The following TBC1D31 variants were observed in gnomAD, a reference collection of about 807,000 sequenced individuals.
TBC1D31 encodes WD repeat domain 67.
A neutral mutation model predicts 132.9 loss-of-function variants in TBC1D31; 99 were observed. That is an observed-to-expected ratio of 0.74 (90% CI 0.63 to 0.88). The LOEUF (loss-of-function observed/expected upper bound fraction) is 0.88. Ranked by LOEUF, TBC1D31 falls within the 40% of genes least tolerant of loss-of-function variation. The pLI, the probability that TBC1D31 is intolerant of heterozygous loss-of-function variation, is 0.00. For missense variants in TBC1D31, 1,134 were observed against 1,256.6 expected (o/e 0.90, Z 1.48); for synonymous variants, 385 against 419.4 (o/e 0.92, Z 1.00).
rs569637095 is a variant in TBC1D31, at chr8:123,082,980, A to G, written c.340+163A>G. ...GGTCCTAGAAACAGCCTCACTTTAG[A>G]TCAGTTGACTACAAAGTCAGGGTTT... On this transcript the variant is annotated intron_variant, in intron 3 of 21. Transcript: ENST00000287380. 330 of 576,660 alleles carry G rather than the reference A, an allele frequency of 5.7e-4. 2 individuals are homozygous for G. The highest frequency in any genetic ancestry group is 2.1e-4 in the Non-Finnish European group (70 of 326,160). 35.7% of individuals were successfully genotyped at this position (576,660 alleles called of 1,614,324 possible). A position where few individuals can be genotyped will look rare whatever the true frequency, so the allele number is the denominator to read the frequency against.
At chr8:123,076,338 A>G (rs199897564) in intron 1 of TBC1D31, among the ~76,000 whole-genome samples, 332 of 149,488 alleles carry the variant, frequency 2.2e-3, no homozygotes, top group African/African-American at 7.2e-3. Flanking sequence ...AATTGTGTGT[A>G]TGTGTGTGTG....
chr8:123,137,934 C>T (rs1350504833), intron 17 of TBC1D31, among the ~76,000 whole-genome samples: 2 of 152,172 alleles, frequency 1.3e-5, no homozygotes, highest in African/African-American at 4.8e-5. Flanking sequence ...ATGTATGATA[C>T]ATATTGGATA....
At chr8:123,132,403 CTTTTTTT>C (rs34901750) in intron 16 of TBC1D31, among the ~76,000 whole-genome samples, 4 of 55,444 alleles carry the variant, frequency 7.2e-5, no homozygotes, top group South Asian at 6.6e-4. Context: ...TTTTTTAAGT[CTTTTTTT>C]TTTTTTTTTT....
chr8:123,089,640 A>G (rs6470138), intron 4 of TBC1D31, among the ~76,000 whole-genome samples: 65,446 of 152,112 alleles, frequency 0.43, 15,218 homozygotes, highest in African/African-American at 0.61. Context: ...CCCAGGAGGC[A>G]GAGGTTGCAG....
chr8:123,093,562 G>A (rs1816556543), intron 4 of TBC1D31, 29 bp from the exon 5 acceptor site: 2 of 1,527,410 alleles, frequency 1.3e-6, no homozygotes, highest in South Asian at 2.6e-5. Context: ...AACCTTATGT[G>A]AAAACTAACT....
At chr8:123,155,450 G>GGTA (rs535964287), downstream of TBC1D31, among the ~76,000 whole-genome samples, 1 of 152,160 alleles carries the variant, frequency 6.6e-6, no homozygotes, top group Non-Finnish European at 1.5e-5. The surrounding 1 kb of genome is among the most constrained non-coding windows in gnomAD (Gnocchi z 4.1). Context: ...GCAGCAGGGC[G>GGTA]GTAGTAGTAG....
intron 10 of TBC1D31, among the ~76,000 whole-genome samples, chr8:123,110,532 T>A (rs1231996984): frequency 6.6e-6 from 1 of 152,062 alleles, no homozygotes; most frequent in African/African-American, 2.4e-5. Flanking sequence ...TATGAAAAAT[T>A]TCAAGCATAA....
At chr8:123,121,251 A>C (rs1345155853) in intron 11 of TBC1D31, among the ~76,000 whole-genome samples, 8 of 152,008 alleles carry the variant, frequency 5.3e-5, no homozygotes, top group Non-Finnish European at 1.0e-4. Flanking sequence ...AGCCCCTGGC[A>C]CCCGACATTT....
At chr8:123,145,427 T>G (rs1272822813) in intron 20 of TBC1D31, among the ~76,000 whole-genome samples, 1 of 152,232 alleles carries the variant, frequency 6.6e-6, no homozygotes, top group South Asian at 2.1e-4. Context: ...AGGTAAAATA[T>G]GTACTTTGCC....
chr8:123,100,443 A>G (rs774952845), intron 6 of TBC1D31, among the ~76,000 whole-genome samples: 29 of 151,962 alleles, frequency 1.9e-4, no homozygotes, highest in Non-Finnish European at 3.1e-4. Flanking sequence ...GGGCCTGGTG[A>G]CACATGCCTG....
At position 123,074,279 on chromosome 8, in the gene TBC1D31, C is replaced by G. The variant is rs565230039; in HGVS notation, c.77+1433C>G. Among the ~76,000 whole-genome samples the G allele has an allele frequency of 1.8e-4, 27 of 152,138 alleles. No individual in the cohort carries two copies. In the East Asian group the frequency reaches 2.5e-3, roughly 14 times the overall value. On this transcript the variant is annotated intron_variant, in intron 1 of 21. Transcript: ENST00000287380. ...TCGTGATCCACCCACCTTGGCCTCCCGAAGTACTGGGATTACAGGCGTAAG... is the reference window on the plus strand; with the variant it reads ...TCGTGATCCACCCACCTTGGCCTCCGGAAGTACTGGGATTACAGGCGTAAG...
At chr8:123,112,859 C>T (rs1489058826) in intron 10 of TBC1D31, among the ~76,000 whole-genome samples, 1 of 152,154 alleles carries the variant, frequency 6.6e-6, no homozygotes, top group Admixed American at 6.5e-5. Flanking sequence ...ATTTGGTCTT[C>T]ACACTTACTA....
chr8:123,085,584 G>A (rs1251568653), intron 4 of TBC1D31, among the ~76,000 whole-genome samples: 2 of 152,060 alleles, frequency 1.3e-5, no homozygotes, highest in Admixed American at 1.3e-4. Flanking sequence ...ACAGGTGCCT[G>A]CCACCAGGCC....
chr8:123,097,545 A>G, intron 6 of TBC1D31, 104 bp downstream of exon 6: 3 of 1,272,104 alleles, frequency 2.4e-6, no homozygotes, highest in South Asian at 3.3e-5. Context: ...GGCTGTTACA[A>G]TAATTTGAAA....
Position 123,077,132 on chromosome 8 carries a change from C to T in TBC1D31, c.99C>T (p.His33=), listed in dbSNP as rs1407001675. 6.8e-6 allele frequency: 11 copies of T among 1,610,508 alleles called. No homozygotes were observed. The South Asian group carries it at 1.0e-4, about 15-fold the overall frequency. ...ACAGAATTATAGTGAACATTATTCA[C>T]AACACTTCCGATTACCATCCAAAAG... ...TRDGIIVNII[H]NTSDYHPKVL... Residue 33 remains histidine, a synonymous_variant, in exon 2 of 22, where the codon CAC becomes CAT. Transcript: ENST00000287380.
chr8:123,159,336 T>C, the TBC1D31 span, among the ~76,000 whole-genome samples: 2 of 151,202 alleles, frequency 1.3e-5, no homozygotes, highest in Admixed American at 1.3e-4. Flanking sequence ...GGGAACTGAC[T>C]GGTCACAGGC....
At chr8:123,079,306 G>A (rs62520596) in intron 2 of TBC1D31, among the ~76,000 whole-genome samples, 11,117 of 152,206 alleles carry the variant, frequency 0.073, 568 homozygotes, top group Non-Finnish European at 0.11. Flanking sequence ...ATTTATTGGT[G>A]CTGATGGTTA....
intron 10 of TBC1D31, among the ~76,000 whole-genome samples, chr8:123,116,049 A>G (rs1400358129): frequency 6.6e-6 from 1 of 152,216 alleles, no homozygotes; most frequent in African/African-American, 2.4e-5. Context: ...AAAGGGAATT[A>G]GCCTTAAAAA....
chr8:123,098,426 C>G (rs1004070677), intron 6 of TBC1D31, among the ~76,000 whole-genome samples: 1 of 152,122 alleles, frequency 6.6e-6, no homozygotes, highest in East Asian at 1.9e-4. Context: ...CTCAGCCTCC[C>G]AAGAAGCTGG....
Sources: allele counts gnomAD v4.1 joint callset (sites outside exome capture counted in the v4.1 genomes callset), GRCh38; gene constraint gnomAD v4.1.1; non-coding constraint Gnocchi (gnomAD v3.1); transcripts MANE v1.5; gene names NCBI Gene and HGNC (gene_info 2026-07-23, HGNC 2026-07-21).